STAG1: variants seen among roughly 807,000 people sequenced by gnomAD.
The protein encoded by STAG1 is cohesin subunit SA-1.
Under a neutral mutation model 170.9 loss-of-function variants are expected in STAG1, and 26 were observed. The ratio of observed to expected loss-of-function variants is 0.15; its 90% CI spans 0.11 to 0.21. STAG1 has a LOEUF of 0.21. Among genes scored for constraint, STAG1 ranks in the 10% least tolerant of loss-of-function variants. The probability of loss-of-function intolerance (pLI) is 1.00; values close to 1 mark genes in which losing one functional copy is unlikely to be tolerated. For missense variants in STAG1, 964 were observed against 1,509.5 expected (o/e 0.64, Z 5.99); for synonymous variants, 514 against 497.7 (o/e 1.03, Z -0.44).
At chr3:136,714,171 T>TC (rs1943459182) in intron 1 of STAG1, among the ~76,000 whole-genome samples, 1 of 151,836 alleles carries the variant, frequency 6.6e-6, no homozygotes, top group Non-Finnish European at 1.5e-5. Context: ...GAGCCTGCAC[T>TC]CCCGTCTGAG....
chr3:136,718,544 T>C (rs1479614182), intron 1 of STAG1, among the ~76,000 whole-genome samples: 1 of 152,226 alleles, frequency 6.6e-6, no homozygotes, highest in Non-Finnish European at 1.5e-5. Context: ...TAGAATCCTG[T>C]GATGCTATCT....
At chr3:136,524,039 G>C (rs2107912254) in intron 6 of STAG1, among the ~76,000 whole-genome samples, 1 of 152,208 alleles carries the variant, frequency 6.6e-6, no homozygotes, top group African/African-American at 2.4e-5. Context: ...GATGCCTCCA[G>C]CTTTGTTCTT....
intron 16 of STAG1, among the ~76,000 whole-genome samples, chr3:136,427,948 A>G (rs1457248649): frequency 6.6e-6 from 1 of 152,230 alleles, no homozygotes; most frequent in African/African-American, 2.4e-5. Flanking sequence ...AAAAATGTCA[A>G]GAGAAGAGGA....
intron 4 of STAG1, among the ~76,000 whole-genome samples, chr3:136,592,526 T>C (rs1938235027): frequency 6.6e-6 from 1 of 151,870 alleles, no homozygotes; most frequent in Non-Finnish European, 1.5e-5. Context: ...CTGATAGCCA[T>C]GTGAGAACAA....
At chr3:136,644,725 T>C (rs1165093136) in intron 1 of STAG1, among the ~76,000 whole-genome samples, 1 of 152,104 alleles carries the variant, frequency 6.6e-6, no homozygotes, top group Non-Finnish European at 1.5e-5. Flanking sequence ...TTTTATTTTT[T>C]CTGCTTTTAT....
At chr3:136,636,920 T>C (rs1014780215) in intron 1 of STAG1, among the ~76,000 whole-genome samples, 4 of 152,070 alleles carry the variant, frequency 2.6e-5, no homozygotes, top group Non-Finnish European at 4.4e-5. Flanking sequence ...CTCACATACA[T>C]ACCTAAACTA....
intron 6 of STAG1, among the ~76,000 whole-genome samples, chr3:136,521,658 G>C (rs924217754): frequency 2.0e-5 from 3 of 152,046 alleles, no homozygotes; most frequent in African/African-American, 7.2e-5. Flanking sequence ...ATTGTTCTAA[G>C]TCTTTGGTTG....
intron 28 of STAG1, among the ~76,000 whole-genome samples, chr3:136,354,416 C>T (rs1346692520): frequency 6.6e-6 from 1 of 152,116 alleles, no homozygotes; most frequent in Non-Finnish European, 1.5e-5. Flanking sequence ...ATTCTCCCAC[C>T]TTCGCCTTCC....
At chr3:136,748,437 C>T (rs1169783292) in intron 1 of STAG1, among the ~76,000 whole-genome samples, 1 of 151,920 alleles carries the variant, frequency 6.6e-6, no homozygotes, top group Non-Finnish European at 1.5e-5. Context: ...CACTCTGTCA[C>T]CCAGGCTGGA....
intron 1 of STAG1, among the ~76,000 whole-genome samples, chr3:136,702,963 G>A (rs1943124805): frequency 6.6e-6 from 1 of 151,364 alleles, no homozygotes; most frequent in East Asian, 2.0e-4. Context: ...AGCTACTCAG[G>A]AGGCTGAGGC....
intron 1 of STAG1, among the ~76,000 whole-genome samples, chr3:136,716,729 C>T (rs1286099953): frequency 1.3e-5 from 2 of 152,152 alleles, no homozygotes; most frequent in Admixed American, 6.5e-5. Context: ...CATTTCAGTG[C>T]TTTAAAAAAG....
At position 136,630,991 on chromosome 3, in the gene STAG1, A is replaced by C. The variant is rs1276727770; in HGVS notation, c.-83-10T>G. On this transcript the variant is annotated splice_polypyrimidine_tract_variant and intron_variant, in intron 1 of 33. Transcript: ENST00000383202. ...AACCTCAAAGGCAATCCTGTCAATTAAAAAAAAGAAATTATTTTAAAATAA... is the reference window on the plus strand; with the variant it reads ...AACCTCAAAGGCAATCCTGTCAATTCAAAAAAAGAAATTATTTTAAAATAA... 1 of 1,157,766 alleles carries C rather than the reference A, an allele frequency of 8.6e-7. No individual in the cohort carries two copies. Among genetic ancestry groups the C allele is most frequent in the Non-Finnish European group, 1.2e-6 (1 of 826,374 alleles). 71.7% of individuals were successfully genotyped at this position (1,157,766 alleles called of 1,614,324 possible).
rs1935820959 is a variant in STAG1 at position 136,540,161 on chromosome 3, C to A, written c.471+1958G>T. Among the ~76,000 whole-genome samples the A allele has an allele frequency of 2.0e-5, 3 of 151,862 alleles. No homozygotes were observed. In the South Asian group the frequency reaches 6.2e-4, roughly 31 times the overall value. ...AAAATAAGTTATATTTCACAATATA[C>A]ATGCATTTAAACCAAGTTTCTCGGG... On this transcript the variant is annotated intron_variant, in intron 6 of 33. Transcript: ENST00000383202.
chr3:136,563,536 A>ACTCTCTCT (rs150795750), intron 5 of STAG1, among the ~76,000 whole-genome samples: 2 of 136,564 alleles, frequency 1.5e-5, no homozygotes, highest in African/African-American at 5.8e-5. Context: ...GCACGCACAA[A>ACTCTCTCT]CTCTCTCTCT....
At chr3:136,713,960 G>C (rs1205055487) in intron 1 of STAG1, among the ~76,000 whole-genome samples, 1 of 151,934 alleles carries the variant, frequency 6.6e-6, no homozygotes, top group Non-Finnish European at 1.5e-5. Context: ...GGAGGCAGAG[G>C]TTGCAGTGAG....
intron 1 of STAG1, among the ~76,000 whole-genome samples, chr3:136,659,478 C>T (rs986973170): frequency 1.3e-5 from 2 of 152,192 alleles, no homozygotes; most frequent in Non-Finnish European, 2.9e-5. Context: ...GCCATAGCAA[C>T]AGCTGCTTTC....
chr3:136,624,255 G>C (rs111310422), intron 2 of STAG1, among the ~76,000 whole-genome samples: 1,752 of 151,776 alleles, frequency 0.012, 21 homozygotes, highest in African/African-American at 0.041. Flanking sequence ...CCCGCCACCA[G>C]GCCCGGCTAA....
intron 29 of STAG1, among the ~76,000 whole-genome samples, chr3:136,348,244 C>T (rs1936306971): frequency 6.7e-6 from 1 of 150,100 alleles, no homozygotes; most frequent in East Asian, 2.0e-4. Context: ...TGAGGCTTCT[C>T]TTAGTAATTT....
Position 136,341,536 on chromosome 3 carries a change from G to A in STAG1, c.3462C>T (p.Ile1154=). Residue 1154 remains isoleucine (I), a synonymous_variant, in exon 31 of 34, where the codon ATC becomes ATT. Coordinates refer to ENST00000383202, the MANE Select transcript of STAG1 (RefSeq NM_005862.3). ...CTAACTTCGGCTGGCCTAACCAAGA[G>A]ATCTGCATCTGAGGACTAAGAGAGG... ...PDFLHNPQMQ[I]SWLGQPKLED... 3 of 1,611,038 alleles carry A rather than the reference G, an allele frequency of 1.9e-6. No individual in the cohort carries two copies. Among genetic ancestry groups the A allele is most frequent in the Non-Finnish European group, 2.5e-6 (3 of 1,177,456 alleles).
Sources: gnomAD v4.1 joint callset for allele counts (sites outside exome capture counted in the v4.1 genomes callset) on GRCh38, gnomAD v4.1.1 for gene constraint, MANE v1.5 for transcripts, NCBI Gene and HGNC (gene_info 2026-07-23, HGNC 2026-07-21) for gene names.